The following ZAN variants were observed in gnomAD, a reference collection of about 807,000 sequenced individuals.
The protein encoded by ZAN is zonadhesin.
A neutral mutation model predicts 286.2 loss-of-function variants in ZAN; 260 were observed. The observed-to-expected ratio is 0.91, with a 90% CI of 0.82 to 1.01. ZAN has a LOEUF of 1.01. ZAN is among the 50% of genes least tolerant of loss of function. The pLI is 0.00. For synonymous variants in ZAN, 1,368 were observed against 1,417.5 expected (o/e 0.97, Z 0.79); for missense variants, 3,410 against 3,639.2 (o/e 0.94, Z 1.62).
intron 27 of ZAN, among the ~76,000 whole-genome samples, chr7:100,769,465 C>A (rs1040875563): frequency 6.6e-6 from 1 of 151,232 alleles, no homozygotes; most frequent in Non-Finnish European, 1.5e-5. Flanking sequence ...CTTTTTTTTT[C>A]TTTTCTTTTC....
rs1452360378 is a variant in ZAN at position 100,748,226 on chromosome 7, G to T, written c.1102+11G>T. ...TTGCTCCTTGTGGGGGTGAGAGCAGGCCCTGAGAGGCCCGGATCTCTCAGA... is the reference window on the plus strand; with the variant it reads ...TTGCTCCTTGTGGGGGTGAGAGCAGTCCCTGAGAGGCCCGGATCTCTCAGA... On this transcript the variant is annotated intron_variant, in intron 10 of 47. Transcript: ENST00000613979. 3.7e-6 allele frequency: 6 copies of T among 1,613,902 alleles called. No homozygotes were observed. The highest frequency in any genetic ancestry group is 1.7e-4 in the Middle Eastern group (1 of 6,060).
At chr7:100,760,608 T>C (rs925376406) in intron 19 of ZAN, 72 bp downstream of exon 19, 80 of 1,553,814 alleles carry the variant, frequency 5.1e-5, no homozygotes, top group Non-Finnish European at 6.6e-5. Flanking sequence ...TTCTTCCTGC[T>C]GCCCACCCTG....
Position 100,789,300 on chromosome 7 carries a change from T to A in ZAN, c.7310T>A (p.Val2437Asp). Residue 2437 changes from valine (V) to aspartate (D), a missense_variant, in exon 39 of 48, where the codon GTC (valine) becomes GAC (aspartate). Physicochemically the swap from Val to Asp is radical, Grantham distance 152 (BLOSUM62 -3). Around this residue, in one of 7 missense-constraint regions of ZAN, gnomAD observed 1,289 missense variants for 1,314.3 expected, o/e 0.98. Coordinates refer to ENST00000613979, the MANE Select transcript of ZAN (RefSeq NM_003386.3). ...CTGTGGGGCCAACGGCTCTACCTGG[T>A]CACCGACTTTGAGCTGGTCGTCAGC... ...VTLWGQRLYLVTDFELVVSFG... is the reference protein window; with the variant it reads ...VTLWGQRLYLDTDFELVVSFG... The A allele has an allele frequency of 6.8e-6, 11 of 1,613,854 alleles. No individual in the cohort carries two copies. The highest frequency in any genetic ancestry group is 1.1e-5 in the South Asian group (1 of 91,062).
At chr7:100,773,061 G>A (rs565606124) in intron 29 of ZAN, among the ~76,000 whole-genome samples, 7 of 151,758 alleles carry the variant, frequency 4.6e-5, no homozygotes, top group South Asian at 2.1e-4. Context: ...GTGCCACCAC[G>A]CCTGGCTAAT....
intron 15 of ZAN, among the ~76,000 whole-genome samples, chr7:100,757,366 A>G (rs185162354): frequency 6.6e-6 from 1 of 152,290 alleles, no homozygotes; most frequent in Admixed American, 6.5e-5. Context: ...TAATGCCCTC[A>G]GATTCAGAGA....
intron 35 of ZAN, among the ~76,000 whole-genome samples, chr7:100,783,268 C>CA (rs1257779663): frequency 2.7e-5 from 4 of 150,816 alleles, no homozygotes; most frequent in African/African-American, 7.3e-5. Context: ...AACTCTATCT[C>CA]AAAAAAATAA....
At chr7:100,786,182 G>A (rs754035586) in intron 37 of ZAN, 41 bp downstream of exon 37, 1 of 1,611,146 alleles carries the variant, frequency 6.2e-7, no homozygotes, top group Non-Finnish European at 8.5e-7. Context: ...GGGAGCACCT[G>A]TGGCCAGGGC....
Position 100,779,867 on chromosome 7 carries a change from T to C in ZAN, c.6622+117T>C, listed in dbSNP as rs560312492. 3.5e-6 allele frequency: 4 copies of C among 1,140,236 alleles called. No homozygotes were observed. The Admixed American group carries it at 9.2e-5, about 26-fold the overall frequency. 70.6% of individuals were successfully genotyped at this position (1,140,236 alleles called of 1,614,324 possible). A position where few individuals can be genotyped will look rare whatever the true frequency, so the allele number is the denominator to read the frequency against. Reference sequence around the variant, plus strand: ...TTCCTGACTAACTCAGCCCTCATTGTTTCTTTGACAAGGACTATTTTTTAA... The same window carrying C: ...TTCCTGACTAACTCAGCCCTCATTGCTTCTTTGACAAGGACTATTTTTTAA... On this transcript the variant is annotated intron_variant, in intron 35 of 47. Coordinates refer to ENST00000613979, the MANE Select transcript of ZAN (RefSeq NM_003386.3).
rs142889179 is a variant in ZAN, at chr7:100,751,571, A to C, written c.1607-141A>C. 1,059 of 893,504 alleles carry C rather than the reference A, an allele frequency of 1.2e-3. 15 individuals carry two copies. The African/African-American group carries it at 0.014, about 11-fold the overall frequency. The allele number at this position is 893,504 out of a possible 1,614,324, so 55.3% of individuals were successfully genotyped here. A position where few individuals can be genotyped will look rare whatever the true frequency, so the allele number is the denominator to read the frequency against. On this transcript the variant is annotated intron_variant, in intron 13 of 47. Coordinates refer to ENST00000613979, the MANE Select transcript of ZAN (RefSeq NM_003386.3). Reference sequence around the variant, plus strand: ...ATCTGACATATATTAGTGTTCGTTGAGTGGATGAAGGTTGGGGTTTGGGAG... The same window carrying C: ...ATCTGACATATATTAGTGTTCGTTGCGTGGATGAAGGTTGGGGTTTGGGAG...
chr7:100,780,652 C>CTCTA (rs113223392), intron 35 of ZAN, among the ~76,000 whole-genome samples: 75,684 of 150,364 alleles, frequency 0.5, 19,674 homozygotes, highest in Middle Eastern at 0.72. Context: ...CAGAGTGAGA[C>CTCTA]TCTCAGAAAA....
intron 45 of ZAN, 78 bp from the exon 46 acceptor site, chr7:100,797,288 C>T (rs1178025891): frequency 1.4e-6 from 2 of 1,380,292 alleles, no homozygotes; most frequent in African/African-American, 2.8e-5. Flanking sequence ...AGCAAGCAAT[C>T]CCCAAAAGGG....
chr7:100,789,434 G>A (rs1811792146), intron 39 of ZAN, 87 bp downstream of exon 39: 5 of 1,560,788 alleles, frequency 3.2e-6, no homozygotes, highest in South Asian at 1.2e-5. Flanking sequence ...AAATCCTGGT[G>A]AGCAGACTCG....
At chr7:100,749,663 T>A (rs1358720925) in intron 11 of ZAN, among the ~76,000 whole-genome samples, 22 of 133,348 alleles carry the variant, frequency 1.6e-4, no homozygotes, top group South Asian at 9.7e-4. Context: ...TATATATATA[T>A]ATATATATAT....
At chr7:100,782,740 G>A (rs1038715081) in intron 35 of ZAN, among the ~76,000 whole-genome samples, 1 of 151,848 alleles carries the variant, frequency 6.6e-6, no homozygotes, top group African/African-American at 2.4e-5. Flanking sequence ...ATCCTGATGT[G>A]TAAAATGAGG....
intron 3 of ZAN, 70 bp downstream of exon 3, chr7:100,735,842 C>T: frequency 3.3e-6 from 4 of 1,216,844 alleles, no homozygotes; most frequent in Non-Finnish European, 4.7e-6. Flanking sequence ...CACCAGAATG[C>T]CAGTTCCTGA....
In ZAN at chr7:100,759,853, C is replaced by T. The variant is rs762167410; in HGVS notation, c.3696+8C>T. The stretch of plus-strand genomic sequence containing the variant: ...AAGGGCAGACGCACTCTGGTGAGCC[C>T]CATTCCACCCCCACCATCCTTGCAG... On this transcript the variant is annotated splice_region_variant and intron_variant, in intron 18 of 47. Coordinates refer to ENST00000613979, the MANE Select transcript of ZAN (RefSeq NM_003386.3). The T allele has an allele frequency of 1.2e-6, 2 of 1,611,218 alleles. No homozygotes were observed. Among genetic ancestry groups the T allele is most frequent in the Non-Finnish European group, 1.7e-6 (2 of 1,178,718 alleles).
At position 100,771,988 on chromosome 7, in the gene ZAN, A is replaced by C. The variant is rs757602031; in HGVS notation, c.5393A>C (p.Gln1798Pro). 4 of 1,606,732 alleles carry C rather than the reference A, an allele frequency of 2.5e-6. No individual in the cohort carries two copies. In the South Asian group the frequency reaches 4.4e-5, roughly 18 times the overall value. The change falls in exon 29 of 48, where the codon CAG becomes CCG. Residue 1798 changes from glutamine to proline, a missense_variant. Coordinates refer to ENST00000613979, the MANE Select transcript of ZAN (RefSeq NM_003386.3). Reference sequence around the variant, plus strand: ...GCGTCCCTGTGTGCCCAGGCTGGCCAGGCCCCTGCCTGGCGGAACAGAACC... The same window carrying C: ...GCGTCCCTGTGTGCCCAGGCTGGCCCGGCCCCTGCCTGGCGGAACAGAACC... ...AYASLCAQAGQAPAWRNRTFC... is the reference protein window; with the variant it reads ...AYASLCAQAGPAPAWRNRTFC...
chr7:100,783,113 C>T (rs532856156), intron 35 of ZAN, among the ~76,000 whole-genome samples: 2 of 151,762 alleles, frequency 1.3e-5, no homozygotes, highest in South Asian at 4.2e-4. Flanking sequence ...ACTAAAAATA[C>T]AAAAAATAGC....
intron 22 of ZAN, 30 bp from the exon 23 acceptor site, chr7:100,765,322 C>G (rs139370238): frequency 1.9e-6 from 3 of 1,610,152 alleles, no homozygotes; most frequent in Non-Finnish European, 2.5e-6. Flanking sequence ...TTGTTCGTCT[C>G]CTTCTCACCC....
Sources: gnomAD v4.1 joint callset for allele counts (sites outside exome capture counted in the v4.1 genomes callset) on GRCh38, gnomAD v4.1.1 for gene constraint, gnomAD v4.1.1 regional missense constraint, MANE v1.5 for transcripts, NCBI Gene and HGNC (gene_info 2026-07-23, HGNC 2026-07-21) for gene names.